LRRC37A: variants seen among roughly 807,000 people sequenced by gnomAD.
The protein encoded by LRRC37A is leucine-rich repeat-containing protein 37A.
Under a neutral mutation model 35.4 loss-of-function variants are expected in LRRC37A, and 3 were observed. That is an observed-to-expected ratio of 0.08 (90% CI 0.04 to 0.22). The LOEUF is 0.22. LRRC37A is among the 10% of genes least tolerant of loss of function. LRRC37A has a pLI of 1.00. For synonymous variants in LRRC37A, 23 were observed against 215.0 expected (o/e 0.11, Z 7.81); for missense variants, 67 against 565.3 (o/e 0.12, Z 8.94).
the LRRC37A span, among the ~76,000 whole-genome samples, chr17:46,269,873 A>C: frequency 2.6e-5 from 4 of 152,236 alleles, no homozygotes; most frequent in Non-Finnish European, 5.9e-5. Flanking sequence ...TAAAGGTTTG[A>C]GAAAAAGCCT....
chr17:46,273,790 A>G, the LRRC37A span, among the ~76,000 whole-genome samples: 3 of 152,266 alleles, frequency 2.0e-5, no homozygotes, highest in Non-Finnish European at 2.9e-5. Flanking sequence ...TTTTCCTTAC[A>G]TGGAAGAAAC....
chr17:46,257,585 G>C, the LRRC37A span, among the ~76,000 whole-genome samples: 3,115 of 134,812 alleles, frequency 0.023, no homozygotes, highest in Middle Eastern at 0.043. Flanking sequence ...AGCCTGAAGA[G>C]GGAGGATTAC....
the LRRC37A span, among the ~76,000 whole-genome samples, chr17:46,254,411 T>C: frequency 8.8e-5 from 13 of 147,410 alleles, no homozygotes; most frequent in African/African-American, 2.5e-4. Flanking sequence ...ATTTATTTAT[T>C]TATCTATCTA....
At chr17:46,272,405 T>G in the LRRC37A span, among the ~76,000 whole-genome samples, 1 of 152,214 alleles carries the variant, frequency 6.6e-6, no homozygotes, top group Non-Finnish European at 1.5e-5. Flanking sequence ...AAAAAATGTA[T>G]GTTTTTCTTT....
chr17:46,275,361 GT>G, the LRRC37A span: 1 of 989,822 alleles, frequency 1.0e-6, no homozygotes, highest in Non-Finnish European at 1.5e-6. Context: ...TGTGTTTTAT[GT>G]TAGGTTAACA....
At chr17:46,267,309 T>G in the LRRC37A span, 7 of 1,393,690 alleles carry the variant, frequency 5.0e-6, no homozygotes, top group Non-Finnish European at 6.7e-6. Flanking sequence ...TCCCAAACTG[T>G]TTTTTGGAAG....
the LRRC37A span, among the ~76,000 whole-genome samples, chr17:46,284,495 T>G: frequency 0.12 from 18,475 of 152,252 alleles, 2 homozygotes; most frequent in Non-Finnish European, 0.18. Flanking sequence ...AGAACTTTTC[T>G]TAGTACAGAA....
intron 5 of LRRC37A, among the ~76,000 whole-genome samples, chr17:46,317,166 C>G (rs1427151329): frequency 1.1e-5 from 1 of 89,694 alleles, no homozygotes; most frequent in Non-Finnish European, 3.2e-5. Context: ...CAGAGGCGCT[C>G]CTCACATCCC....
upstream of LRRC37A, among the ~76,000 whole-genome samples, chr17:46,288,748 G>A (rs975602909): frequency 2.7e-5 from 4 of 149,694 alleles, no homozygotes; most frequent in African/African-American, 9.9e-5. Flanking sequence ...CTGTCACCCA[G>A]GTTAGAGTGC....
At chr17:46,287,902 C>T (rs531763012), upstream of LRRC37A, among the ~76,000 whole-genome samples, 4 of 152,294 alleles carry the variant, frequency 2.6e-5, no homozygotes, top group South Asian at 2.1e-4. Flanking sequence ...ATGTAACAAA[C>T]GCTTATACAG....
At chr17:46,255,145 T>C in the LRRC37A span, among the ~76,000 whole-genome samples, 1 of 151,980 alleles carries the variant, frequency 6.6e-6, no homozygotes, top group South Asian at 2.1e-4. Context: ...CCTGCCCAGC[T>C]AATTTTTACA....
At chr17:46,290,327 T>C (rs2143451958), upstream of LRRC37A, among the ~76,000 whole-genome samples, 1 of 152,222 alleles carries the variant, frequency 6.6e-6, no homozygotes, top group South Asian at 2.1e-4. Context: ...GGTTTTGCCA[T>C]GTTGCCCAGG....
At chr17:46,256,363 A>G in the LRRC37A span, among the ~76,000 whole-genome samples, 7 of 152,146 alleles carry the variant, frequency 4.6e-5, no homozygotes, top group Admixed American at 2.0e-4. Context: ...CCAGCCTCCA[A>G]CCTGGACAGA....
chr17:46,258,719 T>G, the LRRC37A span, among the ~76,000 whole-genome samples: 65 of 142,026 alleles, frequency 4.6e-4, no homozygotes, highest in Middle Eastern at 7.0e-3. Flanking sequence ...TTTTTTTTTT[T>G]TTTTTTTTTT....
At chr17:46,292,355 G>A (rs1179399603), upstream of LRRC37A, among the ~76,000 whole-genome samples, 2 of 78,084 alleles carry the variant, frequency 2.6e-5, 1 homozygote, top group African/African-American at 6.5e-5. Context: ...AAAAAGAAAA[G>A]GAAAACAACT....
chr17:46,254,980 C>T, the LRRC37A span, among the ~76,000 whole-genome samples: 6 of 151,816 alleles, frequency 4.0e-5, no homozygotes, highest in South Asian at 2.1e-4. Context: ...GGATTATAGG[C>T]GCACACCACT....
chr17:46,264,622 G>C, the LRRC37A span, among the ~76,000 whole-genome samples: 3 of 152,208 alleles, frequency 2.0e-5, no homozygotes, highest in Non-Finnish European at 4.4e-5. Context: ...CTGGCATTCT[G>C]GCTACATAGA....
chr17:46,315,925 T>C (rs1216897180), intron 5 of LRRC37A, among the ~76,000 whole-genome samples: 1 of 71,636 alleles, frequency 1.4e-5, no homozygotes, highest in Admixed American at 1.4e-4. Flanking sequence ...TTTTTCTTTT[T>C]TTTTTTTCTT....
At chr17:46,311,623 A>G (rs1319217565) in intron 5 of LRRC37A, among the ~76,000 whole-genome samples, 1 of 94,132 alleles carries the variant, frequency 1.1e-5, no homozygotes, top group African/African-American at 3.3e-5. Context: ...AAAAAAAAAA[A>G]CAGGCAAGAA....
Sources: allele counts gnomAD v4.1 joint callset (sites outside exome capture counted in the v4.1 genomes callset), GRCh38; gene constraint gnomAD v4.1.1; transcripts MANE v1.5; gene names NCBI Gene and HGNC (gene_info 2026-07-23, HGNC 2026-07-21).